DENND1B: variants seen among roughly 807,000 people sequenced by gnomAD.
DENND1B encodes the protein DENN domain-containing protein 1B.
DENND1B carries 59 observed loss-of-function variants against 90.1 expected under a neutral mutation model. That is an observed-to-expected ratio of 0.65 (90% CI 0.53 to 0.81). The LOEUF (loss-of-function observed/expected upper bound fraction) is 0.81, where lower values mean the gene tolerates loss of function less well. Ranked by LOEUF, DENND1B falls within the 40% of genes least tolerant of loss-of-function variation. The probability of loss-of-function intolerance (pLI) is 0.00; values close to 1 mark genes in which losing one functional copy is unlikely to be tolerated. For missense variants in DENND1B, 862 were observed against 912.6 expected (o/e 0.94, Z 0.71); for synonymous variants, 337 against 324.6 (o/e 1.04, Z -0.41).
chr1:197,650,328 T>A (rs528029772), intron 7 of DENND1B, among the ~76,000 whole-genome samples: 1 of 152,194 alleles, frequency 6.6e-6, no homozygotes, highest in Non-Finnish European at 1.5e-5. Flanking sequence ...AAACAAATAT[T>A]AAACTGATCA....
In DENND1B at chr1:197,657,059, G is replaced by A. The variant is rs541209808; in HGVS notation, c.366+1241C>T. Among the ~76,000 whole-genome samples, 12 of 152,046 alleles carry A rather than the reference G, an allele frequency of 7.9e-5. No individual in the cohort carries two copies. The East Asian group carries it at 2.1e-3, about 27-fold the overall frequency. ...CACAGGCAACAAAAGACAAAAACTA[G>A]ATAAATTGGACTTCATTAAAATTAA... On this transcript the variant is annotated intron_variant, in intron 6 of 22. Coordinates refer to ENST00000620048, the MANE Select transcript of DENND1B (RefSeq NM_001195215.2).
chr1:197,551,129 T>C (rs1176537552), intron 16 of DENND1B, among the ~76,000 whole-genome samples: 1 of 151,746 alleles, frequency 6.6e-6, no homozygotes, highest in Admixed American at 6.6e-5. Context: ...GATAGATGGA[T>C]ATCTTCTAAT....
chr1:197,566,565 A>G (rs1437613299), intron 15 of DENND1B, among the ~76,000 whole-genome samples: 2 of 152,088 alleles, frequency 1.3e-5, no homozygotes, highest in East Asian at 3.9e-4. Context: ...CTCATCTACT[A>G]AAACTGTCAA....
intron 2 of DENND1B, chr1:197,734,049 T>C (rs747188079): frequency 1.2e-4 from 111 of 941,956 alleles, no homozygotes; most frequent in Admixed American, 9.2e-4. Context: ...TTACATTAAA[T>C]ATTTATCATT....
At chr1:197,547,951 A>G (rs1008788017) in intron 16 of DENND1B, among the ~76,000 whole-genome samples, 5 of 152,208 alleles carry the variant, frequency 3.3e-5, no homozygotes. Flanking sequence ...TGGAAATCAC[A>G]TATTTAAGAC....
At chr1:197,729,244 A>G (rs1020015289) in intron 2 of DENND1B, among the ~76,000 whole-genome samples, 1 of 152,200 alleles carries the variant, frequency 6.6e-6, no homozygotes, top group Admixed American at 6.5e-5. Context: ...TCAAATTTTA[A>G]TGTACACTTC....
chr1:197,567,899 C>T (rs10922255), intron 15 of DENND1B, among the ~76,000 whole-genome samples: 117,946 of 151,912 alleles, frequency 0.78, 46,064 homozygotes, highest in East Asian at 0.87. Context: ...CAAGAGTTCT[C>T]ATTCTCACCA....
intron 10 of DENND1B, among the ~76,000 whole-genome samples, chr1:197,637,307 A>C (rs1360226223): frequency 6.6e-6 from 1 of 152,204 alleles, no homozygotes; most frequent in African/African-American, 2.4e-5. Flanking sequence ...TACAGGAACA[A>C]AGCTTACAGA....
chr1:197,545,019 C>A (rs1317534450), intron 18 of DENND1B, among the ~76,000 whole-genome samples: 467 of 25,632 alleles, frequency 0.018, 8 homozygotes, highest in African/African-American at 0.058. Context: ...ACGACGACGA[C>A]GAAAGAAGGA....
Position 197,510,438 on chromosome 1 carries a change from C to A in DENND1B, c.*22G>T. ...ATTGCATTGAATCTCAAAATGTCTC[C>A]ATAGAAGCTTGGATGCAAGATTTAA... On this transcript the variant is annotated 3_prime_UTR_variant, in exon 23 of 23. Transcript: ENST00000620048. 1.3e-6 allele frequency: 2 copies of A among 1,579,734 alleles called. No individual in the cohort carries two copies. Among genetic ancestry groups the A allele is most frequent in the South Asian group, 2.4e-5 (2 of 84,968 alleles).
intron 2 of DENND1B, among the ~76,000 whole-genome samples, chr1:197,733,404 T>G (rs1662329358): frequency 6.6e-6 from 1 of 152,230 alleles, no homozygotes; most frequent in Admixed American, 6.5e-5. Flanking sequence ...TTCTTCTACC[T>G]TACCCAACAC....
At chr1:197,641,773 T>C (rs1424125405) in intron 10 of DENND1B, among the ~76,000 whole-genome samples, 2 of 152,134 alleles carry the variant, frequency 1.3e-5, no homozygotes, top group African/African-American at 4.8e-5. Context: ...TGAAAATACC[T>C]TTCTCACTGT....
rs1337003639 is a variant in DENND1B, at chr1:197,595,347, A to G, written c.922-14T>C. The G allele has an allele frequency of 1.2e-6, 2 of 1,609,442 alleles. No homozygotes were observed. Among genetic ancestry groups the G allele is most frequent in the African/African-American group, 2.7e-5 (2 of 74,624 alleles). ...CAAGGCCGAGACCTGCATGACAGAG[A>G]GGAACAGTTAAATTAACACCTCAGA... On this transcript the variant is annotated splice_polypyrimidine_tract_variant and intron_variant, in intron 13 of 22. Coordinates refer to ENST00000620048, the MANE Select transcript of DENND1B (RefSeq NM_001195215.2).
intron 20 of DENND1B, among the ~76,000 whole-genome samples, chr1:197,539,128 T>C (rs1670138110): frequency 6.6e-6 from 1 of 152,216 alleles, no homozygotes; most frequent in African/African-American, 2.4e-5. Flanking sequence ...CTGTGGTGCC[T>C]GGCTATCCAG....
intron 10 of DENND1B, among the ~76,000 whole-genome samples, chr1:197,620,954 C>A (rs1020035109): frequency 6.6e-6 from 1 of 151,222 alleles, no homozygotes; most frequent in Non-Finnish European, 1.5e-5. Flanking sequence ...AACGTGGTGA[C>A]ATATGAACTG....
intron 5 of DENND1B, among the ~76,000 whole-genome samples, chr1:197,667,456 A>G (rs1655055007): frequency 1.3e-5 from 2 of 151,934 alleles, no homozygotes; most frequent in South Asian, 4.1e-4. Context: ...TTTCCGAGAC[A>G]GAGTCTCTCT....
At chr1:197,685,374 G>A (rs1224371798) in intron 3 of DENND1B, among the ~76,000 whole-genome samples, 1 of 152,110 alleles carries the variant, frequency 6.6e-6, no homozygotes, top group Non-Finnish European at 1.5e-5. Flanking sequence ...ACAACCTGGG[G>A]TCAGTTGTTA....
At chr1:197,760,302 A>G (rs1011216164) in intron 2 of DENND1B, among the ~76,000 whole-genome samples, 31 of 152,192 alleles carry the variant, frequency 2.0e-4, no homozygotes, top group African/African-American at 7.5e-4. Flanking sequence ...CTCCATATCC[A>G]TTTATAAACA....
chr1:197,754,509 T>C (rs1488160320), intron 2 of DENND1B, among the ~76,000 whole-genome samples: 2 of 151,478 alleles, frequency 1.3e-5, no homozygotes, highest in Admixed American at 6.6e-5. Context: ...TGGTGAAAAA[T>C]CAGCCAGATG....
Sources: gnomAD v4.1 joint callset for allele counts (sites outside exome capture counted in the v4.1 genomes callset) on GRCh38, gnomAD v4.1.1 for gene constraint, MANE v1.5 for transcripts, NCBI Gene and HGNC (gene_info 2026-07-23, HGNC 2026-07-21) for gene names.